Variants in MGAT4C observed in about 807,000 individuals in gnomAD.
MGAT4C encodes MGAT4 family member C.
In MGAT4C, 19 loss-of-function variants were observed where a neutral mutation model predicts 40.1. That is an observed-to-expected ratio of 0.47 (90% confidence interval 0.33 to 0.70). The LOEUF is 0.70. MGAT4C is among the 30% of genes least tolerant of loss of function. MGAT4C has a pLI of 0.02. For synonymous variants in MGAT4C, 181 were observed against 187.1 expected (o/e 0.97, Z 0.27); for missense variants, 491 against 563.2 (o/e 0.87, Z 1.30).
At chr12:86,600,259 C>G (rs1453374994) in intron 2 of MGAT4C, among the ~76,000 whole-genome samples, 3 of 152,072 alleles carry the variant, frequency 2.0e-5, no homozygotes, top group Non-Finnish European at 4.4e-5. Context: ...AAACTGAAAG[C>G]CTATTAGTGT....
chr12:86,443,134 C>T (rs897344053), intron 2 of MGAT4C, among the ~76,000 whole-genome samples: 1 of 151,830 alleles, frequency 6.6e-6, no homozygotes. Flanking sequence ...TGTCTGGAAC[C>T]AAACTTGCAA....
chr12:86,774,300 T>TTC (rs1951697070), intron 1 of MGAT4C, among the ~76,000 whole-genome samples: 1 of 24,040 alleles, frequency 4.2e-5, no homozygotes, highest in Non-Finnish European at 1.1e-4. Context: ...TCTTTCTTTC[T>TTC]TTCTTTCTTT....
chr12:86,274,603 C>G (rs1205962192), intron 4 of MGAT4C, among the ~76,000 whole-genome samples: 2 of 152,054 alleles, frequency 1.3e-5, no homozygotes, highest in Non-Finnish European at 2.9e-5. Context: ...AGACAATAAC[C>G]AAGAACTCCT....
chr12:86,550,549 T>C (rs921765708), intron 2 of MGAT4C, among the ~76,000 whole-genome samples: 3 of 152,306 alleles, frequency 2.0e-5, no homozygotes, highest in East Asian at 1.9e-4. Flanking sequence ...TTGAGGCCAG[T>C]AGGCACTGCA....
intron 2 of MGAT4C, among the ~76,000 whole-genome samples, chr12:86,576,538 T>C (rs936911580): frequency 6.6e-6 from 1 of 151,908 alleles, no homozygotes; most frequent in Non-Finnish European, 1.5e-5. Flanking sequence ...CTTTTGCATA[T>C]GGATATCAAG....
intron 4 of MGAT4C, among the ~76,000 whole-genome samples, chr12:86,316,079 CAAAAAAA>C (rs71076185): frequency 2.9e-5 from 1 of 34,062 alleles, no homozygotes; most frequent in Non-Finnish European, 5.0e-5. Flanking sequence ...ATACAAGCAG[CAAAAAAA>C]AAAAAAAAAA....
intron 2 of MGAT4C, among the ~76,000 whole-genome samples, chr12:86,539,883 T>A (rs556843988): frequency 6.6e-5 from 10 of 152,346 alleles, no homozygotes; most frequent in African/African-American, 1.9e-4. Flanking sequence ...ATTTTTTTTC[T>A]TGTAAATTTG....
chr12:86,713,569 G>T (rs1270439133), intron 2 of MGAT4C, among the ~76,000 whole-genome samples: 1 of 152,022 alleles, frequency 6.6e-6, no homozygotes, highest in Non-Finnish European at 1.5e-5. Flanking sequence ...TACAAGAAAG[G>T]ATAGTTTCAT....
intron 2 of MGAT4C, among the ~76,000 whole-genome samples, chr12:86,024,024 AT>A (rs1890028046): frequency 6.6e-6 from 1 of 151,930 alleles, no homozygotes; most frequent in African/African-American, 2.4e-5. Flanking sequence ...TATGAAAAAA[AT>A]GTATACAGAG....
In MGAT4C at chr12:85,979,594, C is replaced by T. The variant is rs202157734; in HGVS notation, c.1132G>A (p.Val378Ile). The T allele has an allele frequency of 3.7e-6, 6 of 1,609,212 alleles. No homozygotes were observed. Among genetic ancestry groups the T allele is most frequent in the Non-Finnish European group, 4.2e-6 (5 of 1,178,370 alleles). Residue 378 changes from valine (V) to isoleucine (I), a missense_variant, in exon 5 of 5, where the codon GTT becomes ATT. By Grantham distance (29) the Val-to-Ile change is conservative. Coordinates refer to ENST00000611864, the MANE Select transcript of MGAT4C (RefSeq NM_001351288.2). ...GGATTTTCAAATACAATCACAAAAACATCTCCTGTTGAAGGTGGTTTCCCC... is the reference window on the plus strand; with the variant it reads ...GGATTTTCAAATACAATCACAAAAATATCTCCTGTTGAAGGTGGTTTCCCC... ...FWGKPPSTGD[V>I]FVIVFENPII...
chr12:86,004,846 G>A (rs1422028502), intron 2 of MGAT4C, among the ~76,000 whole-genome samples: 1 of 152,074 alleles, frequency 6.6e-6, no homozygotes, highest in African/African-American at 2.4e-5. Context: ...CATGGGTTCT[G>A]GGTTGCAATT....
intron 2 of MGAT4C, among the ~76,000 whole-genome samples, chr12:86,650,899 A>C (rs1963677420): frequency 6.6e-6 from 1 of 151,928 alleles, no homozygotes; most frequent in Admixed American, 6.6e-5. Flanking sequence ...GCTGCAATGA[A>C]GTAACATAAT....
chr12:86,439,868 A>G (rs1045254328), intron 2 of MGAT4C, among the ~76,000 whole-genome samples: 2 of 150,766 alleles, frequency 1.3e-5, no homozygotes, highest in Non-Finnish European at 2.9e-5. Context: ...CAAACTAGAA[A>G]GTCCAGAGGA....
intron 3 of MGAT4C, among the ~76,000 whole-genome samples, chr12:86,410,907 C>T (rs1425404750): frequency 4.6e-5 from 7 of 152,130 alleles, no homozygotes; most frequent in Non-Finnish European, 1.0e-4. Context: ...CCCACAACAC[C>T]TGGTTGTTTA....
At position 85,960,502 on chromosome 12, in the gene MGAT4C, T is replaced by G. The variant is rs1883056463; in HGVS notation, c.*18787A>C. ...GTAAAACAACAATTAGCATGTGACA[T>G]GCTCTCAGCAAATCAATTAATCCTT... On this transcript the variant is annotated 3_prime_UTR_variant, in exon 5 of 5. Coordinates refer to ENST00000611864, the MANE Select transcript of MGAT4C (RefSeq NM_001351288.2). 1 of 152,050 alleles carries G rather than the reference T, an allele frequency of 6.6e-6. No homozygotes were observed. The highest frequency in any genetic ancestry group is 1.5e-5 in the Non-Finnish European group (1 of 67,902). 9.4% of individuals were successfully genotyped at this position (152,050 alleles called of 1,614,324 possible).
At chr12:86,202,076 A>G (rs757469867) in intron 1 of MGAT4C, among the ~76,000 whole-genome samples, 15 of 152,118 alleles carry the variant, frequency 9.9e-5, no homozygotes, top group Non-Finnish European at 2.1e-4. Context: ...CATTTCATGT[A>G]TGAGTAAAGA....
intron 1 of MGAT4C, among the ~76,000 whole-genome samples, chr12:86,135,733 A>G (rs887105117): frequency 6.6e-5 from 10 of 152,198 alleles, no homozygotes; most frequent in Non-Finnish European, 1.5e-4. Flanking sequence ...AGAGAATGTC[A>G]GCATCATCTT....
chr12:86,746,174 C>G (rs1951148658), intron 1 of MGAT4C, among the ~76,000 whole-genome samples: 1 of 151,690 alleles, frequency 6.6e-6, no homozygotes, highest in South Asian at 2.1e-4. Context: ...AGAGCAAACA[C>G]TTGTGGTATT....
intron 2 of MGAT4C, among the ~76,000 whole-genome samples, chr12:86,039,372 T>A (rs1248219730): frequency 1.3e-5 from 2 of 152,222 alleles, no homozygotes; most frequent in Non-Finnish European, 2.9e-5. Context: ...AATGTAGATT[T>A]GGTCTTTTCA....
Sources: gnomAD v4.1 joint callset for allele counts (sites outside exome capture counted in the v4.1 genomes callset) on GRCh38, gnomAD v4.1.1 for gene constraint, MANE v1.5 for transcripts, NCBI Gene and HGNC (gene_info 2026-07-23, HGNC 2026-07-21) for gene names.